The following ATF3 variants were observed in gnomAD, a reference collection of about 807,000 sequenced individuals.
ATF3 encodes activating transcription factor 3.
A neutral mutation model predicts 18.4 loss-of-function variants in ATF3; 10 were observed. That is an observed-to-expected ratio of 0.54 (90% CI 0.34 to 0.92). The LOEUF (loss-of-function observed/expected upper bound fraction) is 0.92, where lower values mean the gene tolerates loss of function less well. ATF3 is among the 40% of genes least tolerant of loss of function. ATF3 has a pLI of 0.02. For synonymous variants in ATF3, 78 were observed against 87.9 expected, an observed-to-expected ratio of 0.89 and a Z score of 0.63; for missense variants, 183 against 222.3, an observed-to-expected ratio of 0.82 and a Z score of 1.12.
intron 1 of ATF3, among the ~76,000 whole-genome samples, chr1:212,578,910 T>C (rs1322680972): frequency 2.0e-5 from 3 of 151,928 alleles, no homozygotes; most frequent in African/African-American, 7.3e-5. Flanking sequence ...GACCCAGGCA[T>C]GGACTCATTC....
At chr1:212,617,716 G>T (rs1040765492) in intron 2 of ATF3, among the ~76,000 whole-genome samples, 2 of 152,172 alleles carry the variant, frequency 1.3e-5, no homozygotes, top group Non-Finnish European at 2.9e-5. Context: ...GGGTGGCTAG[G>T]TAATGATCCT....
rs143729565 is a variant in ATF3, at chr1:212,570,411, C to T, written c.-5+4928C>T. Among the ~76,000 whole-genome samples, 794 of 152,124 alleles carry T rather than the reference C, an allele frequency of 5.2e-3. 7 individuals carry two copies. The highest frequency in any genetic ancestry group is 0.018 in the African/African-American group (753 of 41,484). On this transcript the variant is annotated intron_variant, in intron 1 of 3. Transcript: ENST00000366981. ...AAATGGATCATTCAGTAAGTTTTGA[C>T]AAATGACAGATGCATATGCCTAGCA...
At chr1:212,597,412 C>CTATCT (rs1558233003) in intron 1 of ATF3, among the ~76,000 whole-genome samples, 2 of 117,626 alleles carry the variant, frequency 1.7e-5, no homozygotes, top group East Asian at 3.5e-4. Flanking sequence ...TACTGAGTTA[C>CTATCT]ATCTATTTAT....
intron 1 of ATF3, among the ~76,000 whole-genome samples, chr1:212,569,870 T>C (rs986409496): frequency 6.6e-6 from 1 of 152,058 alleles, no homozygotes; most frequent in Non-Finnish European, 1.5e-5. Flanking sequence ...TAAATATATT[T>C]CCTCAAAAAG....
chr1:212,570,602 G>T (rs1664463285), intron 1 of ATF3, among the ~76,000 whole-genome samples: 1 of 152,072 alleles, frequency 6.6e-6, no homozygotes, highest in South Asian at 2.1e-4. Context: ...AAGCTCCCTC[G>T]TGTTCTCTCC....
chr1:212,596,183 CATG>C (rs1317517233), intron 1 of ATF3, among the ~76,000 whole-genome samples: 2 of 152,170 alleles, frequency 1.3e-5, no homozygotes, highest in East Asian at 3.8e-4. Context: ...TTTAAACCTC[CATG>C]ATTCCAAATG....
At chr1:212,585,860 C>A (rs1664770453) in intron 1 of ATF3, among the ~76,000 whole-genome samples, 1 of 152,084 alleles carries the variant, frequency 6.6e-6, no homozygotes, top group Non-Finnish European at 1.5e-5. Context: ...AGAGAGGCAC[C>A]TGCTCCATGG....
intron 1 of ATF3, among the ~76,000 whole-genome samples, chr1:212,597,193 G>C (rs527280566): frequency 1.3e-5 from 2 of 152,168 alleles, no homozygotes; most frequent in African/African-American, 4.8e-5. Flanking sequence ...ATGTGACTAG[G>C]TATGTGTCTC....
intron 1 of ATF3, among the ~76,000 whole-genome samples, chr1:212,577,323 G>T (rs564184299): frequency 6.6e-6 from 1 of 151,888 alleles, no homozygotes; most frequent in Non-Finnish European, 1.5e-5. Flanking sequence ...TGTTCAATGT[G>T]ATTTTTAAAG....
intron 1 of ATF3, among the ~76,000 whole-genome samples, chr1:212,584,473 T>A (rs1330847335): frequency 6.6e-6 from 1 of 151,928 alleles, no homozygotes; most frequent in Non-Finnish European, 1.5e-5. Flanking sequence ...TCAATTCAAG[T>A]CCAAAGGCAG....
chr1:212,586,740 GC>G (rs1367512608), intron 1 of ATF3, among the ~76,000 whole-genome samples: 2 of 152,206 alleles, frequency 1.3e-5, no homozygotes, highest in Admixed American at 1.3e-4. Context: ...CTGGCAACAT[GC>G]CCCAGTTACC....
intron 1 of ATF3, among the ~76,000 whole-genome samples, chr1:212,595,749 C>T (rs147504017): frequency 2.2e-4 from 33 of 152,350 alleles, no homozygotes; most frequent in Non-Finnish European, 1.3e-4. Context: ...GCTTAATGCT[C>T]TGCTGTCACT....
chr1:212,620,014 T>A lies in ATF3; in HGVS notation c.*459T>A, dbSNP rs1477620770. On this transcript the variant is annotated 3_prime_UTR_variant, in exon 4 of 4. Coordinates refer to ENST00000341491, the MANE Select transcript of ATF3 (RefSeq NM_001674.4). Reference sequence around the variant, plus strand: ...TAGTGAAGTTGTGCAACGGCCAGGGTTGTGCTTTCTAGCAAATATGCTGTT... The same window carrying A: ...TAGTGAAGTTGTGCAACGGCCAGGGATGTGCTTTCTAGCAAATATGCTGTT... 1.4e-5 allele frequency: 3 copies of A among 211,156 alleles called. No individual in the cohort carries two copies. Among genetic ancestry groups the A allele is most frequent in the Non-Finnish European group, 2.9e-5 (3 of 102,782 alleles). 13.1% of individuals were successfully genotyped at this position (211,156 alleles called of 1,614,324 possible). A position where few individuals can be genotyped will look rare whatever the true frequency, so the allele number is the denominator to read the frequency against.
chr1:212,587,097 G>A (rs1166361256), intron 1 of ATF3, among the ~76,000 whole-genome samples: 3 of 152,192 alleles, frequency 2.0e-5, no homozygotes, highest in Admixed American at 2.0e-4. Flanking sequence ...TTAGAGGGAA[G>A]GCGGGAGAAG....
At chr1:212,575,052 C>A (rs1172664760) in intron 1 of ATF3, among the ~76,000 whole-genome samples, 1 of 151,934 alleles carries the variant, frequency 6.6e-6, no homozygotes, top group Non-Finnish European at 1.5e-5. Flanking sequence ...ATGAAAATTT[C>A]ATCAAATCTA....
chr1:212,580,996 T>C (rs1216711173), intron 1 of ATF3, among the ~76,000 whole-genome samples: 2 of 152,178 alleles, frequency 1.3e-5, no homozygotes, highest in African/African-American at 4.8e-5. Flanking sequence ...CTCGGACTCC[T>C]GGCCTCAAGT....
chr1:212,618,320 C>A lies in ATF3; in HGVS notation c.348+86C>A. ...GGCTATCAGAAGAAGAGTTAGAAAA[C>A]CCCCTACTTGGTTATAGTTTCCCAA... On this transcript the variant is annotated intron_variant, in intron 3 of 3. Coordinates refer to ENST00000341491, the MANE Select transcript of ATF3 (RefSeq NM_001674.4). The surrounding 1 kb of genome is among the most constrained non-coding windows in gnomAD (Gnocchi z 4.4). 2 of 1,382,664 alleles carry A rather than the reference C, an allele frequency of 1.4e-6. No individual in the cohort carries two copies. The highest frequency in any genetic ancestry group is 1.7e-5 in the Admixed American group (1 of 59,528). The allele number at this position is 1,382,664 out of a possible 1,614,324, so 85.6% of individuals were successfully genotyped here. A position where few individuals can be genotyped will look rare whatever the true frequency, so the allele number is the denominator to read the frequency against.
At chr1:212,604,028 T>C (rs1220199779), upstream of ATF3, among the ~76,000 whole-genome samples, 1 of 152,196 alleles carries the variant, frequency 6.6e-6, no homozygotes, top group Non-Finnish European at 1.5e-5. Flanking sequence ...TTCCCTTGTC[T>C]GTTTCCCAAA....
chr1:212,571,821 C>T (rs1455750992), intron 1 of ATF3, among the ~76,000 whole-genome samples: 2 of 151,872 alleles, frequency 1.3e-5, no homozygotes, highest in African/African-American at 4.8e-5. Flanking sequence ...ACGCCATTCT[C>T]CTGCCTCAGC....
Sources: gnomAD v4.1 joint callset for allele counts (sites outside exome capture counted in the v4.1 genomes callset) on GRCh38, gnomAD v4.1.1 for gene constraint, Gnocchi (gnomAD v3.1) non-coding constraint, MANE v1.5 for transcripts, NCBI Gene and HGNC (gene_info 2026-07-23, HGNC 2026-07-21) for gene names.